Variants in SAGE1 observed in about 807,000 individuals in gnomAD.
SAGE1 encodes cancer/testis antigen 14.
In SAGE1, 55 loss-of-function variants were observed where a neutral mutation model predicts 55.4. That is an observed-to-expected ratio of 0.99 (90% CI 0.80 to 1.24). The LOEUF is 1.24. SAGE1 is among the 50% of genes most tolerant of loss of function. The probability of loss-of-function intolerance (pLI) is 0.00; values close to 1 mark genes in which losing one functional copy is unlikely to be tolerated. For missense variants in SAGE1, 710 were observed against 704.4 expected, an observed-to-expected ratio of 1.01 and a Z score of -0.09; for synonymous variants, 240 against 244.3, an observed-to-expected ratio of 0.98 and a Z score of 0.17.
chrX:135,898,679 G>A (rs782477417), intron 2 of SAGE1, among the ~76,000 whole-genome samples: 5 of 111,658 alleles, frequency 4.5e-5, no homozygotes, highest in African/African-American at 9.8e-5. Context: ...TTTAGTAATC[G>A]CCATTCTGAC....
chrX:135,910,061 G>A lies in SAGE1; in HGVS notation c.1755G>A (p.Glu585=), dbSNP rs1556605339. 2 of 1,207,915 alleles carry A rather than the reference G, an allele frequency of 1.7e-6. No homozygotes were observed. The highest frequency in any genetic ancestry group is 2.2e-6 in the Non-Finnish European group (2 of 893,663). ...YATVTHNVHE[E]KIKNGQAASD... Reference sequence around the variant, plus strand: ...CCGTCACTCACAATGTCCATGAAGAGAAGATTAAAAATGGCCAAGCAGCAT... The same window carrying A: ...CCGTCACTCACAATGTCCATGAAGAAAAGATTAAAAATGGCCAAGCAGCAT... Residue 585 remains glutamate, a synonymous_variant, in exon 15 of 20, where the codon GAG becomes GAA. Coordinates refer to ENST00000370709, the MANE Select transcript of SAGE1 (RefSeq NM_001381902.1).
At chrX:135,896,925 C>T (rs1268083404) in intron 2 of SAGE1, among the ~76,000 whole-genome samples, 2 of 111,532 alleles carry the variant, frequency 1.8e-5, no homozygotes, top group African/African-American at 3.3e-5. Context: ...TTACTATCTA[C>T]CCTTTAATAA....
At chrX:135,908,807 G>A (rs182623345) in intron 12 of SAGE1, 57 bp from the exon 13 acceptor site, 10 of 1,162,139 alleles carry the variant, frequency 8.6e-6, no homozygotes, top group Middle Eastern at 2.4e-4. Context: ...GGGATATATC[G>A]GTGGGGTTGA....
Position 135,904,583 on chromosome X carries a change from A to T in SAGE1, c.313+14A>T, listed in dbSNP as rs782401313. The T allele has an allele frequency of 3.4e-5, 37 of 1,073,609 alleles. No individual in the cohort carries two copies. The highest frequency in any genetic ancestry group is 4.5e-5 in the Admixed American group (2 of 43,973). 88.5% of individuals were successfully genotyped at this position (1,073,609 alleles called of 1,213,427 possible). On this transcript the variant is annotated intron_variant, in intron 4 of 19. Transcript: ENST00000370709. ...CACCATGGCCTGGTAATATGGCAGC[A>T]GCAGGAATTTCATCCATGAGTATGA... is the stretch of plus-strand genomic sequence containing the variant.
intron 5 of SAGE1, among the ~76,000 whole-genome samples, 198 bp from the exon 6 acceptor site, chrX:135,905,826 T>A (rs1482607638): frequency 1.8e-5 from 2 of 111,968 alleles, no homozygotes; most frequent in African/African-American, 6.5e-5. Context: ...TTCGTACGCA[T>A]GCAGTGTCAT....
At chrX:135,904,153 G>T (rs1467248928) in intron 3 of SAGE1, among the ~76,000 whole-genome samples, 4 of 111,640 alleles carry the variant, frequency 3.6e-5, no homozygotes, top group Non-Finnish European at 7.5e-5. Context: ...TAATGTCATT[G>T]CAACTGTTCC....
In SAGE1 at chrX:135,912,427, AG is replaced by A; in HGVS notation, c.2615+15del. ...AGGAAGCAGCAAGGTGAGTGCAAAA[AG>A]GAACTGTGCTATTGTTTTAAGCACT... On this transcript the variant is annotated intron_variant, in intron 19 of 19. Transcript: ENST00000370709. 2.5e-6 allele frequency: 3 copies of A among 1,202,054 alleles called. No homozygotes were observed. The highest frequency in any genetic ancestry group is 3.4e-6 in the Non-Finnish European group (3 of 893,086).
intron 3 of SAGE1, 130 bp from the exon 4 acceptor site, chrX:135,904,347 C>T (rs1370707281): frequency 6.2e-6 from 3 of 483,396 alleles, no homozygotes; most frequent in Non-Finnish European, 1.1e-5. Context: ...TTAGGGTTCT[C>T]AGATTGCTAC....
At position 135,907,716 on chromosome X, in the gene SAGE1, A is replaced by G. The variant is rs782567008; in HGVS notation, c.1034A>G (p.His345Arg). 7 of 1,208,354 alleles carry G rather than the reference A, an allele frequency of 5.8e-6. No homozygotes were observed. The East Asian group carries it at 2.1e-4, about 36-fold the overall frequency. ...TGGTTTCCAGATGCTACCATCACTCACAATGTCTGTGAAGAGAGAGTGGTA... is the reference window on the plus strand; with the variant it reads ...TGGTTTCCAGATGCTACCATCACTCGCAATGTCTGTGAAGAGAGAGTGGTA... ...NTRDQYATIT[H>R]NVCEERVVNN... Residue 345 changes from histidine to arginine, a missense_variant, in exon 10 of 20, where the codon CAC (histidine) becomes CGC (arginine). Coordinates refer to ENST00000370709, the MANE Select transcript of SAGE1 (RefSeq NM_001381902.1).
chrX:135,908,042 A>T (rs782126135), intron 10 of SAGE1, 47 bp from the exon 11 acceptor site: 2 of 1,188,100 alleles, frequency 1.7e-6, no homozygotes, highest in South Asian at 1.8e-5. Flanking sequence ...TGTGGGATTG[A>T]CATACTGCAC....
At chrX:135,897,124 T>C (rs1357270577) in intron 2 of SAGE1, among the ~76,000 whole-genome samples, 2 of 112,092 alleles carry the variant, frequency 1.8e-5, no homozygotes, top group Admixed American at 9.5e-5. Flanking sequence ...ACTAGTGCTC[T>C]GCCTAAAAAA....
rs1437037285 is a variant in SAGE1 at position 135,895,809 on chromosome X, G to GA, written c.1-428dup. Reference sequence around the variant, plus strand: ...TAATACATACTTATCCTTTAAGTCTGAAAAAATGAACTTGTGGAATTCAGT... The same window carrying GA: ...TAATACATACTTATCCTTTAAGTCTGAAAAAAATGAACTTGTGGAATTCAGT... On this transcript the variant is annotated intron_variant, in intron 1 of 19. Coordinates refer to ENST00000370709, the MANE Select transcript of SAGE1 (RefSeq NM_001381902.1). Among the ~76,000 whole-genome samples the GA allele has an allele frequency of 7.2e-5, 8 of 111,469 alleles. No homozygotes were observed. The East Asian group carries it at 8.5e-4, about 12-fold the overall frequency.
In SAGE1 at chrX:135,907,080, T is replaced by C. The variant is rs1556602069; in HGVS notation, c.877+14T>C. On this transcript the variant is annotated intron_variant, in intron 8 of 19. Transcript: ENST00000370709. ...CCAATGGCCTGTGTATGTTTGCTTG[T>C]TAATTGGATTATCCTGCTTGGTTTC... The C allele has an allele frequency of 4.2e-6, 5 of 1,198,274 alleles. No individual in the cohort carries two copies. Among genetic ancestry groups the C allele is most frequent in the Middle Eastern group, 2.3e-4 (1 of 4,308 alleles).
At chrX:135,901,427 T>A in intron 2 of SAGE1, 132 bp from the exon 3 acceptor site, 1 of 626,397 alleles carries the variant, frequency 1.6e-6, no homozygotes, top group South Asian at 3.0e-5. Flanking sequence ...TGTTCAGGGA[T>A]GAGAAATCTT....
intron 16 of SAGE1, 94 bp from the exon 17 acceptor site, chrX:135,911,098 A>T: frequency 1.0e-6 from 1 of 989,478 alleles, no homozygotes. Context: ...GCTGTATGGG[A>T]TAACGTCCTG....
intron 2 of SAGE1, 51 bp downstream of exon 2, chrX:135,896,380 T>C (rs2088585103): frequency 1.2e-6 from 1 of 852,300 alleles, no homozygotes; most frequent in East Asian, 3.1e-5. Context: ...CTTCGTATAA[T>C]TATTTTCTCA....
chrX:135,908,371 G>C (rs1556603518), intron 11 of SAGE1, 106 bp from the exon 12 acceptor site: 2 of 1,042,609 alleles, frequency 1.9e-6, no homozygotes, highest in Non-Finnish European at 2.6e-6. Flanking sequence ...ATATCCTCCT[G>C]CTTTATGTGA....
chrX:135,912,492 T>A lies in SAGE1; in HGVS notation c.2615+78T>A, dbSNP rs1237481220. 4 of 1,183,976 alleles carry A rather than the reference T, an allele frequency of 3.4e-6. No homozygotes were observed. In the East Asian group the frequency reaches 1.2e-4, roughly 35 times the overall value. The stretch of plus-strand genomic sequence containing the variant: ...GGACAGGGGCAGGAAAAAATCATGG[T>A]TTGTTCCTCCTAATCCCTGGCCCTC... On this transcript the variant is annotated intron_variant, in intron 19 of 19. Transcript: ENST00000370709.
Position 135,906,514 on chromosome X carries a change from A to G in SAGE1, c.699A>G (p.Thr233=). The change falls in exon 7 of 20, where the codon ACA becomes ACG. Residue 233 remains threonine, a synonymous_variant. Coordinates refer to ENST00000370709, the MANE Select transcript of SAGE1 (RefSeq NM_001381902.1). ...LTLRPRRINM[T]DTGISPMSTR... Reference sequence around the variant, plus strand: ...TTCGACCACGGCGTATTAATATGACAGACACTGGTATTTCACCCATGAGTA... The same window carrying G: ...TTCGACCACGGCGTATTAATATGACGGACACTGGTATTTCACCCATGAGTA... 8.3e-7 allele frequency: 1 copy of G among 1,210,470 alleles called. No homozygotes were observed. Among genetic ancestry groups the G allele is most frequent in the Non-Finnish European group, 1.1e-6 (1 of 894,378 alleles).
Sources: gnomAD v4.1 joint callset for allele counts (sites outside exome capture counted in the v4.1 genomes callset) on GRCh38, gnomAD v4.1.1 for gene constraint, MANE v1.5 for transcripts, NCBI Gene and HGNC (gene_info 2026-07-23, HGNC 2026-07-21) for gene names.